Variants in FAT3 observed in about 807,000 individuals in gnomAD.
The protein encoded by FAT3 is FAT atypical cadherin 3, also known as protocadherin Fat 3.
In FAT3, 95 loss-of-function variants were observed where a neutral mutation model predicts 310.2. That is an observed-to-expected ratio of 0.31 (90% confidence interval 0.26 to 0.36). The LOEUF is 0.36. Ranked by LOEUF, FAT3 falls within the 10% of genes least tolerant of loss-of-function variation. The pLI is 1.00. For missense variants in FAT3, 5,408 were observed against 5,715.6 expected, an observed-to-expected ratio of 0.95 and a Z score of 1.74; for synonymous variants, 2,314 against 2,192.9, an observed-to-expected ratio of 1.06 and a Z score of -1.54.
intron 3 of FAT3, among the ~76,000 whole-genome samples, chr11:92,641,124 G>A (rs1233046234): frequency 6.6e-6 from 1 of 152,038 alleles, no homozygotes; most frequent in Non-Finnish European, 1.5e-5. Context: ...TAAGCCCAGG[G>A]ATCAAGGCTG....
At chr11:92,400,638 G>A (rs895909345) in intron 2 of FAT3, 6 of 151,762 alleles carry the variant, frequency 4.0e-5, no homozygotes, top group African/African-American at 1.5e-4. Context: ...TTTCTATAAA[G>A]TTTTTTCTCC....
chr11:92,398,209 T>A (rs1359048338), intron 2 of FAT3, among the ~76,000 whole-genome samples: 1 of 152,100 alleles, frequency 6.6e-6, no homozygotes, highest in Non-Finnish European at 1.5e-5. Flanking sequence ...TCTGTGTGTG[T>A]CTGTCTCTGT....
intron 5 of FAT3, among the ~76,000 whole-genome samples, chr11:92,764,015 G>A (rs926849347): frequency 3.3e-5 from 5 of 152,136 alleles, no homozygotes; most frequent in Admixed American, 6.5e-5. Flanking sequence ...TGTAATACTT[G>A]AAAGTCCTTT....
intron 1 of FAT3, among the ~76,000 whole-genome samples, chr11:92,293,547 TATATAA>T (rs1448717514): frequency 0.029 from 523 of 18,138 alleles, 6 homozygotes; most frequent in African/African-American, 0.047. Flanking sequence ...TATATATATA[TATATAA>T]ATAAAATATA....
chr11:92,321,451 A>T (rs919203818), intron 1 of FAT3, among the ~76,000 whole-genome samples: 1 of 151,916 alleles, frequency 6.6e-6, no homozygotes, highest in East Asian at 1.9e-4. Context: ...AAAAAAAAAA[A>T]TTCTTGGTTG....
chr11:92,878,657 A>AAC (rs1949595889), intron 22 of FAT3, among the ~76,000 whole-genome samples: 2 of 101,340 alleles, frequency 2.0e-5, no homozygotes, highest in Admixed American at 9.2e-5. Context: ...AAAAAAAAAA[A>AAC]AAAAAAAAAA....
At chr11:92,447,684 C>T (rs1206554788) in intron 2 of FAT3, among the ~76,000 whole-genome samples, 1 of 149,556 alleles carries the variant, frequency 6.7e-6, no homozygotes, top group Non-Finnish European at 1.5e-5. Context: ...TGTGAGGTTC[C>T]CCTGTGTCCT....
Position 92,354,241 on chromosome 11 carries a change from A to G in FAT3, c.2129A>G (p.Asp710Gly). ...GCAAATGGGAAACTGAATCTGGAAG[A>G]TGGATTTCTTGACTTTTATTCAATT... ...AKANGKLNLEDGFLDFYSINR... is the reference protein window; with the variant it reads ...AKANGKLNLEGGFLDFYSINR... Residue 710 changes from aspartate to glycine, a missense_variant, in exon 2 of 28, where the codon GAT becomes GGT. By Grantham distance (94) the Asp-to-Gly change is moderately conservative. Coordinates refer to ENST00000525166, the MANE Select transcript of FAT3 (RefSeq NM_001367949.2). 6.2e-7 allele frequency: 1 copy of G among 1,613,746 alleles called. No individual in the cohort carries two copies. The highest frequency in any genetic ancestry group is 1.1e-5 in the South Asian group (1 of 91,086).
At chr11:92,245,037 C>A (rs1409891134) in intron 1 of FAT3, among the ~76,000 whole-genome samples, 2 of 152,088 alleles carry the variant, frequency 1.3e-5, no homozygotes, top group Non-Finnish European at 2.9e-5. Context: ...AAGATACATG[C>A]ACACATGTGT....
At chr11:92,428,943 T>C (rs1351028700) in intron 2 of FAT3, among the ~76,000 whole-genome samples, 1 of 152,196 alleles carries the variant, frequency 6.6e-6, no homozygotes, top group Non-Finnish European at 1.5e-5. Flanking sequence ...TTGTTAATTT[T>C]CTGTCTTGTT....
At chr11:92,388,804 T>G (rs1949684454) in intron 2 of FAT3, among the ~76,000 whole-genome samples, 1 of 152,206 alleles carries the variant, frequency 6.6e-6, no homozygotes, top group Non-Finnish European at 1.5e-5. Flanking sequence ...TGCTAAGAAA[T>G]TCTTTACAGA....
chr11:92,519,382 A>T (rs1474038102), intron 2 of FAT3, among the ~76,000 whole-genome samples: 3 of 152,114 alleles, frequency 2.0e-5, no homozygotes, highest in Non-Finnish European at 1.5e-5. Context: ...CATAAAGAAA[A>T]CTCAAAATGG....
At position 92,889,195 on chromosome 11, in the gene FAT3, T is replaced by C. The variant is rs946836802; in HGVS notation, c.13058T>C (p.Ile4353Thr). The C allele has an allele frequency of 7.0e-6, 5 of 714,238 alleles. No homozygotes were observed. The highest frequency in any genetic ancestry group is 1.3e-5 in the Non-Finnish European group (5 of 383,694). 44.2% of individuals were successfully genotyped at this position (714,238 alleles called of 1,614,324 possible). ...TTCTTTTCCTGACCACAAGCCTCCATAGTGACTGTCATTCAGCTTGTCAAC... is the reference window on the plus strand; with the variant it reads ...TTCTTTTCCTGACCACAAGCCTCCACAGTGACTGTCATTCAGCTTGTCAAC... ...QSDSGDDNAS[I>T]VTVIQLVNNV... The change falls in exon 26 of 28, where the codon ATA (isoleucine) becomes ACA (threonine). Residue 4353 changes from isoleucine (I) to threonine (T), a missense_variant. This residue lies in a region of FAT3 where 649 missense variants were observed against 666.2 expected (regional missense o/e 0.97). Transcript: ENST00000525166.
At chr11:92,388,001 G>A (rs1949666125) in intron 2 of FAT3, among the ~76,000 whole-genome samples, 1 of 152,164 alleles carries the variant, frequency 6.6e-6, no homozygotes, top group Admixed American at 6.5e-5. Flanking sequence ...TTCTGGCACA[G>A]GGACTTAATC....
chr11:92,276,862 T>A (rs1946289451), intron 1 of FAT3, among the ~76,000 whole-genome samples: 1 of 152,168 alleles, frequency 6.6e-6, no homozygotes, highest in South Asian at 2.1e-4. Context: ...CGTAGGACAA[T>A]CTTATTTTTA....
intron 2 of FAT3, among the ~76,000 whole-genome samples, chr11:92,455,301 T>C (rs1349762489): frequency 6.6e-6 from 1 of 152,196 alleles, no homozygotes; most frequent in Non-Finnish European, 1.5e-5. Context: ...GCCTTGCAAT[T>C]TTAAACATGA....
At chr11:92,860,592 A>G (rs570878519) in intron 21 of FAT3, among the ~76,000 whole-genome samples, 1 of 151,964 alleles carries the variant, frequency 6.6e-6, no homozygotes, top group Non-Finnish European at 1.5e-5. Context: ...ATGCCTTTTC[A>G]CCTGGAAATG....
intron 3 of FAT3, among the ~76,000 whole-genome samples, chr11:92,656,140 G>T (rs1942572401): frequency 6.6e-6 from 1 of 152,114 alleles, no homozygotes; most frequent in Admixed American, 6.5e-5. Flanking sequence ...CAAACTATCG[G>T]CTCTGCTCTT....
intron 2 of FAT3, among the ~76,000 whole-genome samples, chr11:92,465,951 G>A (rs540827747): frequency 2.0e-5 from 3 of 152,256 alleles, no homozygotes; most frequent in East Asian, 1.9e-4. Context: ...AGTCACAGAT[G>A]TAATTACCAT....
Sources: allele counts gnomAD v4.1 joint callset (sites outside exome capture counted in the v4.1 genomes callset), GRCh38; gene constraint gnomAD v4.1.1; regional missense constraint gnomAD v4.1.1; transcripts MANE v1.5; gene names NCBI Gene and HGNC (gene_info 2026-07-23, HGNC 2026-07-21).